The following MSRB3 variants were observed in gnomAD, a reference collection of about 807,000 sequenced individuals.
MSRB3 encodes methionine sulfoxide reductase B3.
In MSRB3, 13 loss-of-function variants were observed where a neutral mutation model predicts 21.0. That is an observed-to-expected ratio of 0.62 (90% confidence interval 0.40 to 0.98). MSRB3 has a LOEUF of 0.98. Ranked by LOEUF, MSRB3 falls within the 50% of genes least tolerant of loss-of-function variation. The pLI is 0.00. For missense variants in MSRB3, 199 were observed against 230.3 expected (o/e 0.86, Z 0.88); for synonymous variants, 87 against 88.6 (o/e 0.98, Z 0.10).
intron 4 of MSRB3, among the ~76,000 whole-genome samples, chr12:65,345,010 AG>A (rs1298753673): frequency 6.6e-6 from 1 of 152,040 alleles, no homozygotes; most frequent in East Asian, 1.9e-4. Context: ...GCCCTGCCTT[AG>A]GGTGATGTCA....
At chr12:65,421,361 T>C (rs1055098215) in intron 5 of MSRB3, among the ~76,000 whole-genome samples, 2 of 152,242 alleles carry the variant, frequency 1.3e-5, no homozygotes, top group African/African-American at 4.8e-5. Context: ...TGCTGGCTAT[T>C]GGGCCTTTGT....
At chr12:65,285,236 C>G (rs1486945985) in intron 1 of MSRB3, 1 of 152,100 alleles carries the variant, frequency 6.6e-6, no homozygotes, top group Non-Finnish European at 1.5e-5. Context: ...CCTTGCTTGC[C>G]TTATCTCTTC....
intron 5 of MSRB3, among the ~76,000 whole-genome samples, chr12:65,435,106 T>G (rs1882057494): frequency 6.6e-6 from 1 of 151,870 alleles, no homozygotes; most frequent in African/African-American, 2.4e-5. Flanking sequence ...CTTTGAATAT[T>G]GGTAACTGAA....
chr12:65,384,590 A>G (rs958012661), intron 5 of MSRB3, among the ~76,000 whole-genome samples: 4 of 152,144 alleles, frequency 2.6e-5, no homozygotes, highest in African/African-American at 9.7e-5. Context: ...ATTTACAACT[A>G]GTAAAATATT....
intron 1 of MSRB3, chr12:65,284,539 G>A (rs1434360539): frequency 1.3e-5 from 2 of 152,192 alleles, no homozygotes; most frequent in African/African-American, 4.8e-5. Context: ...TGCTTTTGAG[G>A]TGCTGGTAGG....
chr12:65,366,807 G>A (rs1460991097), intron 4 of MSRB3, among the ~76,000 whole-genome samples: 1 of 152,116 alleles, frequency 6.6e-6, no homozygotes, highest in African/African-American at 2.4e-5. Flanking sequence ...GAATTTCTAG[G>A]CCCCACTTAC....
intron 1 of MSRB3, among the ~76,000 whole-genome samples, chr12:65,294,121 A>G (rs1196157126): frequency 1.3e-5 from 2 of 152,214 alleles, no homozygotes; most frequent in Non-Finnish European, 1.5e-5. Flanking sequence ...AAGAGGCAGC[A>G]TGGCAGTGCT....
intron 5 of MSRB3, among the ~76,000 whole-genome samples, chr12:65,425,048 T>TATATAAATATATATAAAAATATATATAAA (rs368731964): frequency 3.1e-5 from 2 of 64,566 alleles, no homozygotes; most frequent in African/African-American, 1.1e-4. Flanking sequence ...TATATGTATA[T>TATATAAATATATATAAAAATATATATAAA]TATATATATT....
intron 5 of MSRB3, among the ~76,000 whole-genome samples, chr12:65,386,235 T>C (rs1879190379): frequency 6.6e-6 from 1 of 151,962 alleles, no homozygotes. Flanking sequence ...CTTTCAGAAA[T>C]GGTTCTAGAT....
At chr12:65,461,638 G>A (rs772960771) in intron 6 of MSRB3, among the ~76,000 whole-genome samples, 1 of 152,150 alleles carries the variant, frequency 6.6e-6, no homozygotes, top group Admixed American at 6.5e-5. Flanking sequence ...TAAGATTCTA[G>A]TGCTTTTCAT....
At chr12:65,444,545 A>G (rs2136686392) in intron 5 of MSRB3, among the ~76,000 whole-genome samples, 1 of 152,272 alleles carries the variant, frequency 6.6e-6, no homozygotes, top group Non-Finnish European at 1.5e-5. Flanking sequence ...ACTTCAGAAA[A>G]CAGAGAAAGA....
chr12:65,343,784 C>A (rs1317766499), intron 4 of MSRB3, among the ~76,000 whole-genome samples: 1 of 152,154 alleles, frequency 6.6e-6, no homozygotes, highest in East Asian at 1.9e-4. Context: ...TAATGCTTCC[C>A]TGTATTCTGG....
chr12:65,399,861 A>G (rs946585866), intron 5 of MSRB3, among the ~76,000 whole-genome samples: 50 of 152,294 alleles, frequency 3.3e-4, no homozygotes, highest in Non-Finnish European at 5.9e-4. Context: ...TGAGATAATC[A>G]TGTGTTTTTT....
At chr12:65,362,608 G>A (rs1007086428) in intron 4 of MSRB3, among the ~76,000 whole-genome samples, 21 of 152,096 alleles carry the variant, frequency 1.4e-4, no homozygotes, top group African/African-American at 4.8e-4. Flanking sequence ...ATGCACAAAT[G>A]TACAATTACA....
At chr12:65,343,763 A>G (rs1439671358) in intron 4 of MSRB3, among the ~76,000 whole-genome samples, 2 of 152,060 alleles carry the variant, frequency 1.3e-5, no homozygotes, top group African/African-American at 4.8e-5. Context: ...CCCTAGCTCA[A>G]TATTATGTTA....
At position 65,346,469 on chromosome 12, in the gene MSRB3, T is replaced by C. The variant is rs548474437; in HGVS notation, c.263+17866T>C. Reference sequence around the variant, plus strand: ...CTTGTAAATTTGTTTGAGTTCATTGTAGTTTCTGGATATTAGCCCTTTGTC... The same window carrying C: ...CTTGTAAATTTGTTTGAGTTCATTGCAGTTTCTGGATATTAGCCCTTTGTC... On this transcript the variant is annotated intron_variant, in intron 4 of 6. Coordinates refer to ENST00000308259, the MANE Select transcript of MSRB3 (RefSeq NM_001031679.3). Among the ~76,000 whole-genome samples the C allele has an allele frequency of 1.4e-3, 215 of 152,318 alleles. 3 individuals are homozygous for C. In the East Asian group the frequency reaches 0.034, roughly 24 times the overall value.
intron 2 of MSRB3, among the ~76,000 whole-genome samples, chr12:65,317,409 G>T (rs554674476): frequency 6.6e-6 from 1 of 152,102 alleles, no homozygotes; most frequent in Non-Finnish European, 1.5e-5. Context: ...AAATAATGGG[G>T]TATCAAATGA....
At chr12:65,300,946 A>G (rs1430893828) in intron 1 of MSRB3, among the ~76,000 whole-genome samples, 1 of 152,164 alleles carries the variant, frequency 6.6e-6, no homozygotes, top group Non-Finnish European at 1.5e-5. Context: ...GTTCCTACCC[A>G]ACCACAAGGG....
At chr12:65,309,698 T>C (rs1873871072) in intron 2 of MSRB3, among the ~76,000 whole-genome samples, 1 of 152,170 alleles carries the variant, frequency 6.6e-6, no homozygotes, top group Admixed American at 6.5e-5. Context: ...TTATGGAGGA[T>C]ATGGTGCTTG....
Sources: gnomAD v4.1 joint callset for allele counts (sites outside exome capture counted in the v4.1 genomes callset) on GRCh38, gnomAD v4.1.1 for gene constraint, MANE v1.5 for transcripts, NCBI Gene and HGNC (gene_info 2026-07-23, HGNC 2026-07-21) for gene names.